The following USP13 variants were observed in gnomAD, a reference collection of about 807,000 sequenced individuals.
USP13 encodes the protein ubiquitin specific peptidase 13.
In USP13, 68 loss-of-function variants were observed where a neutral mutation model predicts 107.8. The observed-to-expected ratio is 0.63, with a 90% CI of 0.52 to 0.77. The LOEUF (loss-of-function observed/expected upper bound fraction) is 0.77, where lower values mean the gene tolerates loss of function less well. USP13 is among the 30% of genes least tolerant of loss of function. The pLI, the probability that USP13 is intolerant of heterozygous loss-of-function variation, is 0.00. For synonymous variants in USP13, 377 were observed against 389.5 expected (o/e 0.97, Z 0.38); for missense variants, 945 against 1,093.3 (o/e 0.86, Z 1.91).
At chr3:179,730,544 C>T in intron 9 of USP13, 72 bp from the exon 10 acceptor site, 3 of 1,272,722 alleles carry the variant, frequency 2.4e-6, no homozygotes, top group Non-Finnish European at 2.2e-6. Context: ...TATTGATATT[C>T]ATAGATAAAT....
chr3:179,713,521 G>A (rs1268511376), intron 6 of USP13, among the ~76,000 whole-genome samples: 2 of 151,960 alleles, frequency 1.3e-5, no homozygotes, highest in Admixed American at 6.6e-5. Context: ...GGTGCCCTCT[G>A]TCTGGGGGTA....
intron 1 of USP13, among the ~76,000 whole-genome samples, chr3:179,671,478 G>A (rs769620277): frequency 5.9e-5 from 9 of 152,102 alleles, no homozygotes; most frequent in Admixed American, 2.0e-4. Context: ...GTCTCCCCAT[G>A]CTGAGATAAC....
chr3:179,736,194 T>C (rs1293444677), intron 10 of USP13, among the ~76,000 whole-genome samples: 2 of 152,188 alleles, frequency 1.3e-5, no homozygotes, highest in Non-Finnish European at 1.5e-5. Flanking sequence ...AACTATTGAT[T>C]TGTTGAAGGA....
chr3:179,681,625 C>T (rs897566266), intron 1 of USP13, among the ~76,000 whole-genome samples: 4 of 151,366 alleles, frequency 2.6e-5, no homozygotes, highest in African/African-American at 7.3e-5. Flanking sequence ...AGTCAGTTTA[C>T]ACTAGTTACG....
At chr3:179,664,747 G>C (rs182965628) in intron 1 of USP13, among the ~76,000 whole-genome samples, 2 of 152,334 alleles carry the variant, frequency 1.3e-5, no homozygotes, top group Non-Finnish European at 2.9e-5. Flanking sequence ...CCTCTGGACA[G>C]AGATGTTGCT....
intron 1 of USP13, among the ~76,000 whole-genome samples, chr3:179,659,201 T>C (rs1720382640): frequency 6.6e-6 from 1 of 152,182 alleles, no homozygotes; most frequent in South Asian, 2.1e-4. Flanking sequence ...CTGGTTTAGA[T>C]ATCCACCAGG....
intron 8 of USP13, among the ~76,000 whole-genome samples, chr3:179,723,904 G>A (rs749636454): frequency 6.5e-4 from 99 of 152,104 alleles, no homozygotes; most frequent in Admixed American, 2.0e-3. Flanking sequence ...TGTAAACCCA[G>A]TACTTTGGGA....
intron 19 of USP13, among the ~76,000 whole-genome samples, chr3:179,770,666 G>A (rs897468041): frequency 1.3e-5 from 2 of 151,402 alleles, no homozygotes; most frequent in Admixed American, 6.6e-5. Context: ...GTGCAGTGGC[G>A]CCATCTCAGC....
chr3:179,761,237 G>T lies in USP13; in HGVS notation c.2074G>T (p.Val692Phe). The T allele has an allele frequency of 6.2e-7, 1 of 1,614,150 alleles. No individual in the cohort carries two copies. The highest frequency in any genetic ancestry group is 1.3e-5 in the African/African-American group (1 of 75,034). The change falls in exon 17 of 21, where the codon GTT becomes TTT. Residue 692 changes from valine (V) to phenylalanine (F), a missense_variant. Physicochemically the swap from Val to Phe is conservative, Grantham distance 50 (BLOSUM62 -1). Coordinates refer to ENST00000263966, the MANE Select transcript of USP13 (RefSeq NM_003940.3). ...GAEVAFNWII[V>F]HMEEPDFAEP... ...CGAGGTGGCCTTCAACTGGATCATT[G>T]TTCACATGGAAGAGCCAGGTAGGTG...
At chr3:179,686,091 C>T (rs1370189813) in intron 2 of USP13, among the ~76,000 whole-genome samples, 2 of 152,152 alleles carry the variant, frequency 1.3e-5, no homozygotes, top group East Asian at 1.9e-4. Context: ...TCTTCCATTG[C>T]GCCCTCTCCC....
At chr3:179,751,357 T>C (rs1714604194) in intron 13 of USP13, among the ~76,000 whole-genome samples, 1 of 152,210 alleles carries the variant, frequency 6.6e-6, no homozygotes, top group East Asian at 1.9e-4. Context: ...ACTTATCCCA[T>C]AATATGTCTA....
At chr3:179,768,790 T>A (rs1261935092) in intron 19 of USP13, among the ~76,000 whole-genome samples, 1 of 152,130 alleles carries the variant, frequency 6.6e-6, no homozygotes, top group Non-Finnish European at 1.5e-5. Flanking sequence ...TATAGAGGGG[T>A]TGGCAGTATA....
chr3:179,701,810 C>G (rs17747151), intron 4 of USP13, among the ~76,000 whole-genome samples: 55,911 of 151,876 alleles, frequency 0.37, 12,458 homozygotes, highest in Non-Finnish European at 0.48. Flanking sequence ...TGTGGACGGA[C>G]CGTAATTTTC....
At chr3:179,700,184 C>T (rs946104132) in intron 3 of USP13, among the ~76,000 whole-genome samples, 1 of 151,962 alleles carries the variant, frequency 6.6e-6, no homozygotes, top group African/African-American at 2.4e-5. Flanking sequence ...AAAGAGGGGA[C>T]GACCTGATAG....
intron 1 of USP13, among the ~76,000 whole-genome samples, chr3:179,664,339 C>A (rs925261917): frequency 6.6e-6 from 1 of 152,138 alleles, no homozygotes; most frequent in African/African-American, 2.4e-5. Context: ...AATGATCCAC[C>A]TGCCTTGGCT....
chr3:179,767,399 C>T (rs1041091298), intron 19 of USP13, among the ~76,000 whole-genome samples: 7 of 151,904 alleles, frequency 4.6e-5, no homozygotes, highest in Non-Finnish European at 1.0e-4. Context: ...GTGCCTGTAG[C>T]CACTGTAATG....
chr3:179,761,011 C>CA, intron 16 of USP13, 101 bp from the exon 17 acceptor site: 1 of 1,419,340 alleles, frequency 7.0e-7, no homozygotes, highest in South Asian at 1.3e-5. Context: ...AACAGAATAG[C>CA]ACTTTCTTTG....
At chr3:179,675,449 T>C (rs2108447777) in intron 1 of USP13, among the ~76,000 whole-genome samples, 1 of 152,082 alleles carries the variant, frequency 6.6e-6, no homozygotes, top group Admixed American at 6.5e-5. Flanking sequence ...TTAGAATGAA[T>C]ATATTTGTGG....
intron 19 of USP13, among the ~76,000 whole-genome samples, chr3:179,778,663 G>A (rs1369361184): frequency 2.0e-5 from 3 of 152,210 alleles, no homozygotes; most frequent in Non-Finnish European, 2.9e-5. Context: ...CTACTTGGGA[G>A]GTTGAGGCAG....
Sources: allele counts gnomAD v4.1 joint callset (sites outside exome capture counted in the v4.1 genomes callset), GRCh38; gene constraint gnomAD v4.1.1; transcripts MANE v1.5; gene names NCBI Gene and HGNC (gene_info 2026-07-23, HGNC 2026-07-21).